Variants in KLF15 observed in about 807,000 individuals in gnomAD.
KLF15 encodes the protein Krueppel-like factor 15.
A neutral mutation model predicts 24.6 loss-of-function variants in KLF15; 4 were observed. That is an observed-to-expected ratio of 0.16 (90% confidence interval 0.08 to 0.37). The LOEUF (loss-of-function observed/expected upper bound fraction) is 0.37. KLF15 is among the 10% of genes least tolerant of loss of function. KLF15 has a pLI of 1.00. For synonymous variants in KLF15, 246 were observed against 236.3 expected (o/e 1.04, Z -0.37); for missense variants, 496 against 560.6 (o/e 0.88, Z 1.16).
the KLF15 span, among the ~76,000 whole-genome samples, chr3:126,313,586 C>G: frequency 4.6e-5 from 7 of 152,194 alleles, no homozygotes. Flanking sequence ...CAAGCAATGT[C>G]TGGGAATACT....
the KLF15 span, among the ~76,000 whole-genome samples, chr3:126,337,588 T>G: frequency 7.4e-6 from 1 of 135,834 alleles, no homozygotes; most frequent in African/African-American, 2.8e-5. Flanking sequence ...AAAAAAAAAG[T>G]CTAGTGGGAA....
chr3:126,296,514 A>G, the KLF15 span, among the ~76,000 whole-genome samples: 1 of 152,224 alleles, frequency 6.6e-6, no homozygotes, highest in Non-Finnish European at 1.5e-5. Context: ...ACTGCAACAT[A>G]CATTCTTAAT....
At chr3:126,350,738 G>A (rs182774358) in intron 2 of KLF15, among the ~76,000 whole-genome samples, 1 of 152,252 alleles carries the variant, frequency 6.6e-6, no homozygotes, top group Non-Finnish European at 1.5e-5. Flanking sequence ...TGGTCACACG[G>A]CACAGACAGA....
At chr3:126,337,581 A>AG in the KLF15 span, among the ~76,000 whole-genome samples, 1 of 151,686 alleles carries the variant, frequency 6.6e-6, no homozygotes, top group Non-Finnish European at 1.5e-5. Flanking sequence ...TATAATTAAA[A>AG]AAAAAGTCTA....
chr3:126,351,835 A>G lies in KLF15; in HGVS notation c.1082+6T>C. 6.2e-7 allele frequency: 1 copy of G among 1,610,650 alleles called. No homozygotes were observed. The highest frequency in any genetic ancestry group is 8.5e-7 in the Non-Finnish European group (1 of 1,178,590). On this transcript the variant is annotated splice_donor_region_variant and intron_variant, in intron 2 of 2. Transcript: ENST00000296233. The stretch of plus-strand genomic sequence containing the variant: ...ACTGCCCAGGCCTGTCACTCGCTAT[A>G]CTGACCTCCAGCCGCAGCCTGGCCA...
Position 126,352,848 on chromosome 3 carries a change from C to T in KLF15, c.75G>A (p.Arg25=). 6.2e-7 allele frequency: 1 copy of T among 1,612,066 alleles called. No homozygotes were observed. The highest frequency in any genetic ancestry group is 8.5e-7 in the Non-Finnish European group (1 of 1,179,560). The change falls in exon 2 of 3, where the codon AGG becomes AGA. Residue 25 remains arginine, a synonymous_variant. Transcript: ENST00000296233. ...PKCPVGYLGD[R]LVGRRAYHML... is the part of the protein sequence containing the mutation. ...TGTGATATGCCCGCCGGCCAACCAG[C>T]CTATCACCCAGATACCCAACTGGGC...
chr3:126,316,603 A>C, the KLF15 span, among the ~76,000 whole-genome samples: 11 of 142,492 alleles, frequency 7.7e-5, no homozygotes, highest in African/African-American at 2.7e-4. Flanking sequence ...GGGAGTGGGG[A>C]AGGGAGTGCA....
the KLF15 span, among the ~76,000 whole-genome samples, chr3:126,319,163 C>T: frequency 1.2e-4 from 19 of 152,278 alleles, no homozygotes; most frequent in Admixed American, 8.5e-4. Context: ...TCCATCGTCT[C>T]GATGTACCAC....
chr3:126,302,690 T>C, the KLF15 span, among the ~76,000 whole-genome samples: 2 of 152,208 alleles, frequency 1.3e-5, no homozygotes, highest in South Asian at 2.1e-4. Context: ...ATTTACTTTG[T>C]CTGATATTGA....
the KLF15 span, chr3:126,288,809 C>T: frequency 1.3e-5 from 2 of 152,214 alleles, no homozygotes; most frequent in Non-Finnish European, 2.9e-5. Flanking sequence ...GAAAACAAAC[C>T]ATTTAAAACT....
the KLF15 span, among the ~76,000 whole-genome samples, chr3:126,303,786 G>A: frequency 6.6e-6 from 1 of 151,002 alleles, no homozygotes; most frequent in Non-Finnish European, 1.5e-5. Context: ...GTTTCTTGAA[G>A]TTTCCTCTGA....
chr3:126,296,178 AG>A, the KLF15 span, among the ~76,000 whole-genome samples: 3 of 152,124 alleles, frequency 2.0e-5, no homozygotes, highest in Non-Finnish European at 4.4e-5. Flanking sequence ...TCTCAGCCTC[AG>A]GGGGGCTTGA....
downstream of KLF15, among the ~76,000 whole-genome samples, chr3:126,341,593 C>A (rs2082479794): frequency 6.6e-6 from 1 of 152,134 alleles, no homozygotes; most frequent in South Asian, 2.1e-4. Context: ...GGGACCATGG[C>A]CAGTCAGGAT....
the KLF15 span, among the ~76,000 whole-genome samples, chr3:126,303,380 T>C: frequency 3.3e-5 from 5 of 152,078 alleles, no homozygotes; most frequent in African/African-American, 1.2e-4. Context: ...TTACTTTGCC[T>C]TTGTTTTTTG....
At chr3:126,327,521 G>C in the KLF15 span, among the ~76,000 whole-genome samples, 1 of 152,118 alleles carries the variant, frequency 6.6e-6, no homozygotes, top group Non-Finnish European at 1.5e-5. Flanking sequence ...GAGGAGCAGG[G>C]TCAAACTCCA....
chr3:126,323,560 G>T, the KLF15 span, among the ~76,000 whole-genome samples: 36 of 139,054 alleles, frequency 2.6e-4, no homozygotes, highest in African/African-American at 9.1e-4. Flanking sequence ...AAGTTCTGGG[G>T]TACATGTGCA....
the KLF15 span, among the ~76,000 whole-genome samples, chr3:126,309,217 T>A: frequency 6.6e-6 from 1 of 152,324 alleles, no homozygotes; most frequent in African/African-American, 2.4e-5. Flanking sequence ...GAAATGGGGT[T>A]AGCTGAGTAA....
At chr3:126,301,795 A>G in the KLF15 span, among the ~76,000 whole-genome samples, 5 of 151,272 alleles carry the variant, frequency 3.3e-5, no homozygotes. Flanking sequence ...TTGTTTTTTT[A>G]GTAGAGACGG....
intron 1 of KLF15, among the ~76,000 whole-genome samples, chr3:126,354,763 C>T (rs1005990695): frequency 1.3e-5 from 2 of 152,240 alleles, no homozygotes; most frequent in African/African-American, 4.8e-5. Context: ...GCAGAGCCCA[C>T]ACTCCACCCT....
Sources: allele counts gnomAD v4.1 joint callset (sites outside exome capture counted in the v4.1 genomes callset), GRCh38; gene constraint gnomAD v4.1.1; transcripts MANE v1.5; gene names NCBI Gene and HGNC (gene_info 2026-07-23, HGNC 2026-07-21).